The following CSMD1 variants were observed in gnomAD, a reference collection of about 807,000 sequenced individuals.
CSMD1 encodes CUB and sushi domain-containing protein 1.
A neutral mutation model predicts 417.5 loss-of-function variants in CSMD1; 213 were observed. The ratio of observed to expected loss-of-function variants is 0.51; its 90% CI spans 0.46 to 0.57. The LOEUF (loss-of-function observed/expected upper bound fraction) is 0.57. Ranked by LOEUF, CSMD1 falls within the 20% of genes least tolerant of loss-of-function variation. The pLI, the probability that CSMD1 is intolerant of heterozygous loss-of-function variation, is 0.00. For missense variants in CSMD1, 6,923 were observed against 4,529.7 expected, an observed-to-expected ratio of 1.53 and a Z score of -15.17; for synonymous variants, 2,862 against 1,736.8, an observed-to-expected ratio of 1.65 and a Z score of -16.11.
At chr8:3,945,937 T>C (rs763559575) in intron 5 of CSMD1, among the ~76,000 whole-genome samples, 2 of 152,162 alleles carry the variant, frequency 1.3e-5, no homozygotes, top group Non-Finnish European at 2.9e-5. Context: ...ACTATCATGA[T>C]TATTATTACT....
chr8:4,670,359 G>C (rs927001723), intron 1 of CSMD1, among the ~76,000 whole-genome samples: 1 of 152,044 alleles, frequency 6.6e-6, no homozygotes, highest in African/African-American at 2.4e-5. Flanking sequence ...TCAAGATTGT[G>C]GCTAATAATG....
At chr8:3,088,347 A>C (rs981519738) in intron 48 of CSMD1, among the ~76,000 whole-genome samples, 7 of 152,238 alleles carry the variant, frequency 4.6e-5, no homozygotes, top group African/African-American at 1.7e-4. Context: ...AATACAACAG[A>C]GAAGGTCCTT....
At chr8:3,774,632 T>C (rs1487082501) in intron 5 of CSMD1, among the ~76,000 whole-genome samples, 4 of 152,208 alleles carry the variant, frequency 2.6e-5, no homozygotes, top group Middle Eastern at 3.2e-3. Flanking sequence ...TCACTATCTT[T>C]GTTGAACTGT....
intron 5 of CSMD1, among the ~76,000 whole-genome samples, chr8:3,767,297 GGT>G (rs1798326085): frequency 6.6e-6 from 1 of 152,206 alleles, no homozygotes; most frequent in Non-Finnish European, 1.5e-5. Context: ...ACTCTGCAAT[GGT>G]GTGGTCATTA....
chr8:4,981,088 A>G (rs1477416601), intron 1 of CSMD1, among the ~76,000 whole-genome samples: 2 of 152,228 alleles, frequency 1.3e-5, no homozygotes, highest in Non-Finnish European at 2.9e-5. Flanking sequence ...ATCTTTGCAG[A>G]TATTTCCCAT....
At chr8:3,984,768 CGTGTGT>C (rs370317456) in intron 5 of CSMD1, among the ~76,000 whole-genome samples, 3 of 78,296 alleles carry the variant, frequency 3.8e-5, no homozygotes, top group African/African-American at 1.4e-4. Flanking sequence ...TGTATTTGTG[CGTGTGT>C]GTGTGTGTGT....
intron 3 of CSMD1, among the ~76,000 whole-genome samples, chr8:4,415,802 T>C (rs1796901603): frequency 6.6e-6 from 1 of 152,198 alleles, no homozygotes; most frequent in South Asian, 2.1e-4. Context: ...CGTGTTTACA[T>C]GTATGTGCAT....
intron 5 of CSMD1, among the ~76,000 whole-genome samples, chr8:3,953,672 G>C (rs747656935): frequency 2.0e-5 from 3 of 152,106 alleles, no homozygotes; most frequent in Admixed American, 6.6e-5. Context: ...GGAGCCTGGG[G>C]AAGTGATGGC....
intron 3 of CSMD1, among the ~76,000 whole-genome samples, chr8:4,085,811 C>T (rs1236343515): frequency 4.6e-5 from 7 of 152,174 alleles, no homozygotes; most frequent in African/African-American, 1.4e-4. Flanking sequence ...CACCATGAAG[C>T]TTCCTGATAG....
chr8:4,192,566 G>C (rs2131220254), intron 3 of CSMD1, among the ~76,000 whole-genome samples: 1 of 152,282 alleles, frequency 6.6e-6, no homozygotes, highest in African/African-American at 2.4e-5. Context: ...GCACCAGCTA[G>C]TGGGTATTTT....
chr8:4,533,918 T>C (rs903083024), intron 2 of CSMD1, among the ~76,000 whole-genome samples: 1 of 148,766 alleles, frequency 6.7e-6, no homozygotes, highest in African/African-American at 2.4e-5. Flanking sequence ...ATAATATACA[T>C]ACACATATAT....
At chr8:3,613,262 C>T (rs73491466) in intron 8 of CSMD1, 6 of 421,932 alleles carry the variant, frequency 1.4e-5, no homozygotes, top group South Asian at 8.6e-5. Flanking sequence ...GAAATTCAAT[C>T]CGTAATTAAA....
At chr8:4,255,581 A>G (rs1158876843) in intron 3 of CSMD1, among the ~76,000 whole-genome samples, 2 of 152,240 alleles carry the variant, frequency 1.3e-5, no homozygotes, top group East Asian at 1.9e-4. Flanking sequence ...TCTAAGACAC[A>G]GAAATCTTTG....
At chr8:3,829,789 G>T (rs1467242190) in intron 5 of CSMD1, among the ~76,000 whole-genome samples, 1 of 152,130 alleles carries the variant, frequency 6.6e-6, no homozygotes, top group Non-Finnish European at 1.5e-5. Flanking sequence ...AATATTGAAT[G>T]AGGTTTTCCA....
intron 15 of CSMD1, among the ~76,000 whole-genome samples, chr8:3,403,931 G>T (rs955503733): frequency 1.3e-5 from 2 of 152,148 alleles, no homozygotes; most frequent in African/African-American, 4.8e-5. Context: ...TGAAATTTCA[G>T]CTATTAAGAG....
chr8:4,844,608 C>A (rs763896075), intron 1 of CSMD1, among the ~76,000 whole-genome samples: 7 of 152,108 alleles, frequency 4.6e-5, no homozygotes, highest in Non-Finnish European at 8.8e-5. Flanking sequence ...TCTGTAACTC[C>A]ATTTAATAAG....
chr8:3,660,709 C>T (rs1320444092), intron 7 of CSMD1, among the ~76,000 whole-genome samples: 1 of 144,132 alleles, frequency 6.9e-6, no homozygotes, highest in Non-Finnish European at 1.5e-5. Context: ...TTAGTAGAGA[C>T]AGGGTTTCAC....
At chr8:3,921,218 T>C (rs1429076913) in intron 5 of CSMD1, among the ~76,000 whole-genome samples, 1 of 152,130 alleles carries the variant, frequency 6.6e-6, no homozygotes, top group African/African-American at 2.4e-5. Flanking sequence ...GCGTATATAA[T>C]TTTTACAGTA....
chr8:3,359,443 A>C (rs1472870523), intron 20 of CSMD1, 103 bp from the exon 21 acceptor site: 3 of 763,248 alleles, frequency 3.9e-6, no homozygotes, highest in Non-Finnish European at 6.0e-6. Context: ...AAAAAAAAAA[A>C]CCTACATATA....
Sources: gnomAD v4.1 joint callset for allele counts (sites outside exome capture counted in the v4.1 genomes callset) on GRCh38, gnomAD v4.1.1 for gene constraint, MANE v1.5 for transcripts, NCBI Gene and HGNC (gene_info 2026-07-23, HGNC 2026-07-21) for gene names.